COL24A1: variants seen among roughly 807,000 people sequenced by gnomAD.
COL24A1 encodes the protein collagen type XXIV alpha 1 chain.
A neutral mutation model predicts 253.9 loss-of-function variants in COL24A1; 224 were observed. The observed-to-expected ratio is 0.88, with a 90% CI of 0.79 to 0.99. The LOEUF (loss-of-function observed/expected upper bound fraction) is 0.99, where lower values mean the gene tolerates loss of function less well. Among genes scored for constraint, COL24A1 ranks in the 50% least tolerant of loss-of-function variants. COL24A1 has a pLI of 0.00. For missense variants in COL24A1, 2,131 were observed against 2,068.5 expected, an observed-to-expected ratio of 1.03 and a Z score of -0.59; for synonymous variants, 685 against 673.7, an observed-to-expected ratio of 1.02 and a Z score of -0.26.
rs375886924 is a variant in COL24A1, at chr1:85,771,778, T to TTTTTTTTA, written c.4374+3895_4374+3896insTAAAAAAA. 4.1e-5 allele frequency among the ~76,000 whole-genome samples: 6 copies of TTTTTTTTA among 146,668 alleles called. No homozygotes were observed. In the East Asian group the frequency reaches 9.9e-4, roughly 24 times the overall value. ...TCCAGCATCTGTTGTTGCCTGACTT[T>TTTTTTTTA]TTTATTTATTTATTTATTTATTTAT... On this transcript the variant is annotated intron_variant, in intron 53 of 59. Coordinates refer to ENST00000370571, the MANE Select transcript of COL24A1 (RefSeq NM_152890.7).
chr1:85,740,160 C>A (rs908070505), intron 57 of COL24A1, among the ~76,000 whole-genome samples: 8 of 152,156 alleles, frequency 5.3e-5, no homozygotes, highest in African/African-American at 1.7e-4. Context: ...TGTGCCTATA[C>A]CTGCACAGAA....
chr1:86,156,229 C>T, intron 1 of COL24A1, 112 bp downstream of exon 1: 1 of 1,017,102 alleles, frequency 9.8e-7, no homozygotes, highest in East Asian at 2.6e-5. Flanking sequence ...GCTCCTAAAG[C>T]CAAAAAGTGC....
intron 55 of COL24A1, among the ~76,000 whole-genome samples, chr1:85,755,415 AAGTAGCCAAAATAAT>A (rs1436405102): frequency 6.6e-6 from 1 of 152,184 alleles, no homozygotes; most frequent in Admixed American, 6.5e-5. Context: ...TATAGACCCC[AAGTAGCCAAAATAAT>A]TTTGAAAAAA....
intron 28 of COL24A1, among the ~76,000 whole-genome samples, chr1:85,899,631 T>A (rs1032912710): frequency 1.3e-5 from 2 of 152,148 alleles, no homozygotes; most frequent in African/African-American, 4.8e-5. Context: ...GGACACATAG[T>A]TGTATATTTA....
intron 3 of COL24A1, among the ~76,000 whole-genome samples, chr1:86,123,618 C>G (rs1025041717): frequency 1.3e-5 from 2 of 151,950 alleles, no homozygotes; most frequent in Non-Finnish European, 2.9e-5. Context: ...GAGATTAATG[C>G]TCATCTGATC....
rs145521332 is a variant in COL24A1 at position 86,072,948 on chromosome 1, T to C, written c.1708-9189A>G. ...AGCATCAAAACCAACAAAAAGGATGTCCACACAAAAACTCCATCTGAAGGT... is the reference window on the plus strand; with the variant it reads ...AGCATCAAAACCAACAAAAAGGATGCCCACACAAAAACTCCATCTGAAGGT... On this transcript the variant is annotated intron_variant, in intron 7 of 59. Coordinates refer to ENST00000370571, the MANE Select transcript of COL24A1 (RefSeq NM_152890.7). 5.9e-3 allele frequency among the ~76,000 whole-genome samples: 898 copies of C among 152,116 alleles called. 10 individuals are homozygous for C. The highest frequency in any genetic ancestry group is 0.021 in the African/African-American group (862 of 41,482).
At chr1:86,115,852 T>A (rs1338043327) in intron 3 of COL24A1, among the ~76,000 whole-genome samples, 1 of 152,242 alleles carries the variant, frequency 6.6e-6, no homozygotes. Context: ...TAAACTGTTA[T>A]AATGAAATCC....
chr1:85,840,774 G>C (rs906188971), intron 42 of COL24A1, among the ~76,000 whole-genome samples: 2 of 152,016 alleles, frequency 1.3e-5, no homozygotes, highest in Admixed American at 1.3e-4. Flanking sequence ...AAGGTTATTG[G>C]TTCTAATAAC....
At chr1:86,097,557 CCTT>C (rs1704084458) in intron 5 of COL24A1, among the ~76,000 whole-genome samples, 1 of 7,082 alleles carries the variant, frequency 1.4e-4, no homozygotes. Context: ...CCTCCTCCTC[CCTT>C]CTCCTCCCCC....
chr1:85,791,959 C>G (rs1390656551), intron 47 of COL24A1, among the ~76,000 whole-genome samples: 1 of 152,016 alleles, frequency 6.6e-6, no homozygotes, highest in African/African-American at 2.4e-5. Context: ...TTTTAATAAG[C>G]TAAGTGTTAT....
At chr1:85,785,869 A>G (rs1669630244) in intron 48 of COL24A1, among the ~76,000 whole-genome samples, 1 of 152,202 alleles carries the variant, frequency 6.6e-6, no homozygotes. Context: ...TGGAAAGTCT[A>G]TTGACATGTG....
At chr1:85,970,047 T>C (rs889984378) in intron 22 of COL24A1, among the ~76,000 whole-genome samples, 180 bp downstream of exon 22, 3 of 152,184 alleles carry the variant, frequency 2.0e-5, no homozygotes, top group African/African-American at 7.2e-5. Context: ...CATAACATCA[T>C]TCAAAATATA....
At chr1:86,069,104 C>G (rs1002849262) in intron 7 of COL24A1, among the ~76,000 whole-genome samples, 5 of 152,062 alleles carry the variant, frequency 3.3e-5, no homozygotes, top group Admixed American at 2.0e-4. Context: ...GAAAAAGAGA[C>G]GGGATTTTGT....
At chr1:85,823,111 A>G (rs1673834152) in intron 45 of COL24A1, among the ~76,000 whole-genome samples, 1 of 152,186 alleles carries the variant, frequency 6.6e-6, no homozygotes, top group Non-Finnish European at 1.5e-5. Flanking sequence ...AGTCATGAAC[A>G]AAGTCTTCCT....
intron 53 of COL24A1, among the ~76,000 whole-genome samples, chr1:85,768,555 T>C (rs201318467): frequency 6.9e-6 from 1 of 144,964 alleles, no homozygotes; most frequent in East Asian, 2.1e-4. Context: ...AAAGAACTCT[T>C]TATGTTCTAT....
At chr1:85,747,101 C>CTTTT (rs34758363) in intron 55 of COL24A1, among the ~76,000 whole-genome samples, 2 of 111,270 alleles carry the variant, frequency 1.8e-5, no homozygotes, top group Non-Finnish European at 3.6e-5. Context: ...TGAATTATAA[C>CTTTT]TTTTTTTTTT....
At chr1:85,742,739 G>T (rs1296633313) in intron 57 of COL24A1, among the ~76,000 whole-genome samples, 2 of 151,910 alleles carry the variant, frequency 1.3e-5, no homozygotes, top group African/African-American at 2.4e-5. Flanking sequence ...TACCATTCTA[G>T]TTCTCTCATA....
At chr1:86,037,658 T>C (rs752375954) in intron 12 of COL24A1, among the ~76,000 whole-genome samples, 1 of 152,188 alleles carries the variant, frequency 6.6e-6, no homozygotes, top group Non-Finnish European at 1.5e-5. Context: ...TGTAAACTTA[T>C]GACCAGAGCA....
At chr1:86,061,466 T>A (rs80336463) in intron 8 of COL24A1, among the ~76,000 whole-genome samples, 2 of 152,074 alleles carry the variant, frequency 1.3e-5, no homozygotes, top group Non-Finnish European at 2.9e-5. Context: ...CGATAAAAAG[T>A]CAATCTGTTA....
Sources: allele counts gnomAD v4.1 joint callset (sites outside exome capture counted in the v4.1 genomes callset), GRCh38; gene constraint gnomAD v4.1.1; transcripts MANE v1.5; gene names NCBI Gene and HGNC (gene_info 2026-07-23, HGNC 2026-07-21).